Variants in SLC43A3 observed in about 807,000 individuals in gnomAD.
SLC43A3 encodes solute carrier family 43 member 3.
A neutral mutation model predicts 53.3 loss-of-function variants in SLC43A3; 33 were observed. The observed-to-expected ratio is 0.62, with a 90% CI of 0.47 to 0.83. The LOEUF (loss-of-function observed/expected upper bound fraction) is 0.83, where lower values mean the gene tolerates loss of function less well. Ranked by LOEUF, SLC43A3 falls within the 40% of genes least tolerant of loss-of-function variation. The pLI, the probability that SLC43A3 is intolerant of heterozygous loss-of-function variation, is 0.00. For synonymous variants in SLC43A3, 236 were observed against 246.2 expected (o/e 0.96, Z 0.39); for missense variants, 530 against 610.0 (o/e 0.87, Z 1.38).
chr11:57,411,206 A>G (rs1359187211), intron 11 of SLC43A3, among the ~76,000 whole-genome samples: 1 of 152,244 alleles, frequency 6.6e-6, no homozygotes, highest in East Asian at 1.9e-4. Flanking sequence ...GGGAAAATGT[A>G]AATGTCTGAT....
chr11:57,417,985 C>G, intron 7 of SLC43A3, 98 bp from the exon 8 acceptor site: 1 of 1,064,102 alleles, frequency 9.4e-7, no homozygotes, highest in Non-Finnish European at 1.4e-6. Context: ...GGTCCATCAG[C>G]AGATGAACAG....
At chr11:57,418,006 T>C in intron 7 of SLC43A3, 119 bp from the exon 8 acceptor site, 1 of 874,360 alleles carries the variant, frequency 1.1e-6, no homozygotes, top group Non-Finnish European at 1.8e-6. Flanking sequence ...CTAAACATAA[T>C]GTGATCTATA....
chr11:57,427,552 C>T (rs190961771), upstream of SLC43A3: 1 of 152,298 alleles, frequency 6.6e-6, no homozygotes, highest in African/African-American at 2.4e-5. Context: ...CCAGCTTAAC[C>T]GTCTCTCCCA....
At chr11:57,421,926 G>A (rs1401937358) in intron 5 of SLC43A3, among the ~76,000 whole-genome samples, 1 of 152,214 alleles carries the variant, frequency 6.6e-6, no homozygotes, top group South Asian at 2.1e-4. Flanking sequence ...GCCAGGCATT[G>A]TGCTTGGCAC....
rs539521698 is a variant in SLC43A3, at chr11:57,423,649, T to C, written c.361+333A>G. ...TTCACCATGTTGGCCAGGCTGGTCT[T>C]GAACTCCTGACCTCAGATGATCCAC... On this transcript the variant is annotated intron_variant, in intron 5 of 13. Coordinates refer to ENST00000395124, the MANE Select transcript of SLC43A3 (RefSeq NM_199329.3). The C allele has an allele frequency of 3.4e-5, 7 of 202,980 alleles. No individual in the cohort carries two copies. The East Asian group carries it at 6.6e-4, about 19-fold the overall frequency. 12.6% of individuals were successfully genotyped at this position (202,980 alleles called of 1,614,324 possible). A position where few individuals can be genotyped will look rare whatever the true frequency, so the allele number is the denominator to read the frequency against.
chr11:57,414,532 A>T, intron 11 of SLC43A3, 83 bp downstream of exon 11: 1 of 556,108 alleles, frequency 1.8e-6, no homozygotes, highest in African/African-American at 2.0e-5. Flanking sequence ...AAAAAAAAAA[A>T]GAGCGAGAGA....
intron 6 of SLC43A3, 34 bp downstream of exon 6, chr11:57,421,252 TTCCCGCCACCC>T (rs1565101146): frequency 7.8e-6 from 12 of 1,537,302 alleles, no homozygotes; most frequent in Non-Finnish European, 1.1e-5. Context: ...TCCCTCCACC[TTCCCGCCACCC>T]TGCCGAGTGC....
In SLC43A3 at chr11:57,410,066, T is replaced by C. The variant is rs148003995; in HGVS notation, c.1116A>G (p.Thr372=). The C allele has an allele frequency of 3.1e-3, 4,975 of 1,612,224 alleles. 14 individuals carry two copies. The highest frequency in any genetic ancestry group is 3.4e-3 in the Non-Finnish European group (4,031 of 1,179,446). ...LCSTVPSLAL[T]SLLCLGFALC... is the part of the protein sequence containing the mutation. ...GGGCGAAGCCCAGGCACAGCAGGGA[T>C]GTCAGGGCCAGCGAAGGCACCGTCG... Residue 372 remains threonine (T), a synonymous_variant, in exon 12 of 14, where the codon ACA becomes ACG. Coordinates refer to ENST00000395124, the MANE Select transcript of SLC43A3 (RefSeq NM_199329.3).
chr11:57,424,370 G>A (rs1943114209), intron 4 of SLC43A3, among the ~76,000 whole-genome samples: 1 of 152,194 alleles, frequency 6.6e-6, no homozygotes, highest in African/African-American at 2.4e-5. Context: ...CCACCTGGAA[G>A]CCCCAACAGC....
intron 5 of SLC43A3, among the ~76,000 whole-genome samples, chr11:57,422,012 G>A (rs1020034089): frequency 1.3e-5 from 2 of 152,200 alleles, no homozygotes; most frequent in African/African-American, 4.8e-5. Context: ...TAACAGGTCT[G>A]GTAAGTGTGA....
intron 11 of SLC43A3, 44 bp downstream of exon 11, chr11:57,414,571 C>T (rs1441748483): frequency 2.8e-6 from 3 of 1,080,938 alleles, no homozygotes; most frequent in Non-Finnish European, 4.3e-6. Flanking sequence ...GAAGACCTCC[C>T]TTCCTGGTTC....
At chr11:57,419,693 G>A (rs1242114016) in intron 7 of SLC43A3, among the ~76,000 whole-genome samples, 1 of 152,020 alleles carries the variant, frequency 6.6e-6, no homozygotes, top group East Asian at 1.9e-4. Flanking sequence ...CTACTCAGGA[G>A]GCTGAGGCAG....
intron 3 of SLC43A3, 49 bp downstream of exon 3, chr11:57,425,940 A>C: frequency 1.3e-6 from 2 of 1,574,468 alleles, no homozygotes; most frequent in Non-Finnish European, 1.7e-6. Context: ...CCTTGCCACC[A>C]CGTGGGAGCC....
At chr11:57,419,970 C>T (rs1942914291) in intron 7 of SLC43A3, among the ~76,000 whole-genome samples, 1 of 152,168 alleles carries the variant, frequency 6.6e-6, no homozygotes, top group Non-Finnish European at 1.5e-5. Flanking sequence ...GCTTATGGGA[C>T]TAAGCTAGAC....
intron 12 of SLC43A3, among the ~76,000 whole-genome samples, chr11:57,409,700 G>A (rs1179675761): frequency 6.6e-6 from 1 of 152,156 alleles, no homozygotes; most frequent in African/African-American, 2.4e-5. Flanking sequence ...GGATGAATAC[G>A]AGTTCACCAG....
chr11:57,420,890 T>C (rs1942952860), intron 7 of SLC43A3, 82 bp downstream of exon 7: 3 of 947,562 alleles, frequency 3.2e-6, no homozygotes, highest in Non-Finnish European at 5.2e-6. Context: ...ACCGAGTTGA[T>C]GGAGACAAAT....
intron 9 of SLC43A3, 40 bp from the exon 10 acceptor site, chr11:57,415,146 A>G: frequency 6.3e-7 from 1 of 1,588,272 alleles, no homozygotes; most frequent in Non-Finnish European, 8.6e-7. Flanking sequence ...ATTACGAGGA[A>G]AGTGGACAGG....
At chr11:57,426,981 C>A (rs964595577) in intron 1 of SLC43A3, 81 bp downstream of exon 1, 4 of 152,296 alleles carry the variant, frequency 2.6e-5, no homozygotes, top group African/African-American at 7.2e-5. Flanking sequence ...AGCCTGCGGC[C>A]TGCCCTCCCC....
intron 5 of SLC43A3, among the ~76,000 whole-genome samples, chr11:57,423,431 GT>G (rs976667109): frequency 2.6e-5 from 4 of 151,986 alleles, no homozygotes; most frequent in Non-Finnish European, 4.4e-5. Context: ...GTTTTTTAGG[GT>G]TTTTTGTTTG....
Sources: gnomAD v4.1 joint callset for allele counts (sites outside exome capture counted in the v4.1 genomes callset) on GRCh38, gnomAD v4.1.1 for gene constraint, MANE v1.5 for transcripts, NCBI Gene and HGNC (gene_info 2026-07-23, HGNC 2026-07-21) for gene names.